PCDHAC2: variants seen among roughly 807,000 people sequenced by gnomAD.
PCDHAC2 encodes the protein protocadherin alpha-C2.
Under a neutral mutation model 63.3 loss-of-function variants are expected in PCDHAC2, and 24 were observed. The observed-to-expected ratio is 0.38, with a 90% confidence interval of 0.27 to 0.53. The LOEUF (loss-of-function observed/expected upper bound fraction) is 0.53. Among genes scored for constraint, PCDHAC2 ranks in the 20% least tolerant of loss-of-function variants. The pLI, the probability that PCDHAC2 is intolerant of heterozygous loss-of-function variation, is 0.81. For synonymous variants in PCDHAC2, 569 were observed against 529.4 expected (o/e 1.07, Z -1.03); for missense variants, 1,181 against 1,275.2 (o/e 0.93, Z 1.12).
At chr5:140,987,681 G>A (rs1554249426) in intron 3 of PCDHAC2, among the ~76,000 whole-genome samples, 2 of 152,184 alleles carry the variant, frequency 1.3e-5, no homozygotes, top group Non-Finnish European at 2.9e-5. Context: ...TTAGTAAATA[G>A]TAGCTATTTT....
chr5:140,988,560 T>C (rs1184536302), intron 3 of PCDHAC2, among the ~76,000 whole-genome samples: 3 of 152,138 alleles, frequency 2.0e-5, no homozygotes, highest in Admixed American at 2.0e-4. Context: ...CATCTTCTTC[T>C]TGGGAAAACA....
chr5:140,990,605 A>T (rs1234326404), intron 3 of PCDHAC2, among the ~76,000 whole-genome samples: 4 of 152,214 alleles, frequency 2.6e-5, no homozygotes, highest in Non-Finnish European at 4.4e-5. Flanking sequence ...GAGTCAGATG[A>T]ATACCGTAAA....
At position 140,966,777 on chromosome 5, in the gene PCDHAC2, C is replaced by T. The variant is rs1554228636; in HGVS notation, c.11C>T (p.Ala4Val). 1.3e-6 allele frequency: 2 copies of T among 1,510,822 alleles called. No homozygotes were observed. Among genetic ancestry groups the T allele is most frequent in the Non-Finnish European group, 1.8e-6 (2 of 1,131,946 alleles). The allele number at this position is 1,510,822 out of a possible 1,614,324, so 93.6% of individuals were successfully genotyped here. MEQAGTRPAATEHP... is the reference protein window; with the variant it reads MEQVGTRPAATEHP... ...CCGCGGCCAGTGGCTATGGAGCAGG[C>T]GGGCACCAGACCTGCGGCGACAGAG... The change falls in exon 1 of 4, where the codon GCG (alanine) becomes GTG (valine). Residue 4 changes from alanine to valine, a missense_variant. By Grantham distance (64) the Ala-to-Val change is moderately conservative. Transcript: ENST00000289269.
At position 140,966,698 on chromosome 5, in the gene PCDHAC2, G is replaced by C; in HGVS notation, c.-69G>C. 1.5e-6 allele frequency: 2 copies of C among 1,363,568 alleles called. No individual in the cohort carries two copies. The highest frequency in any genetic ancestry group is 1.9e-6 in the Non-Finnish European group (2 of 1,060,362). 84.5% of individuals were successfully genotyped at this position (1,363,568 alleles called of 1,614,324 possible). ...TGGCACGAGCGGAGGCGGGGCCCGG[G>C]CGTGGGGCACGGCTGGGGAAGCTGC... On this transcript the variant is annotated 5_prime_UTR_variant, in exon 1 of 4. Transcript: ENST00000289269.
intron 3 of PCDHAC2, among the ~76,000 whole-genome samples, chr5:140,997,279 A>G (rs1386656925): frequency 6.6e-6 from 1 of 152,166 alleles, no homozygotes; most frequent in Non-Finnish European, 1.5e-5. Flanking sequence ...TTCTTGCATC[A>G]CTTAACAATG....
In PCDHAC2 at chr5:140,966,947, G is replaced by A. The variant is rs782439197; in HGVS notation, c.181G>A (p.Val61Met). The change falls in exon 1 of 4, where the codon GTG (valine) becomes ATG (methionine). Residue 61 changes from valine (V) to methionine (M), a missense_variant. Val to Met is a conservative substitution (Grantham distance 21). Transcript: ENST00000289269. ...EQAPGALVGN[V>M]ARALGLELRR... ...GGCACCCGGCGCGCTCGTGGGCAAC[G>A]TGGCTCGCGCGCTGGGGCTTGAGCT... The A allele has an allele frequency of 6.2e-7, 1 of 1,603,520 alleles. No homozygotes were observed. The highest frequency in any genetic ancestry group is 1.7e-4 in the Middle Eastern group (1 of 6,038).
intron 3 of PCDHAC2, among the ~76,000 whole-genome samples, chr5:140,996,953 TCCCTCAATC>T (rs1554255576): frequency 6.6e-6 from 1 of 152,202 alleles, no homozygotes; most frequent in Non-Finnish European, 1.5e-5. Flanking sequence ...AATATTTATT[TCCCTCAATC>T]CCACTCCCCT....
chr5:140,970,651 T>C (rs1191146950), intron 1 of PCDHAC2, among the ~76,000 whole-genome samples: 4 of 152,226 alleles, frequency 2.6e-5, no homozygotes, highest in Non-Finnish European at 5.9e-5. Flanking sequence ...TAGTGATGAA[T>C]TGTTATCTTT....
intron 3 of PCDHAC2, among the ~76,000 whole-genome samples, chr5:140,990,798 A>G (rs1554251753): frequency 6.6e-6 from 1 of 152,208 alleles, no homozygotes; most frequent in Admixed American, 6.5e-5. Context: ...ACCATGGAAT[A>G]CAGAAGAAGC....
At chr5:141,003,689 A>G (rs2098134450) in intron 3 of PCDHAC2, among the ~76,000 whole-genome samples, 3 of 152,228 alleles carry the variant, frequency 2.0e-5, no homozygotes, top group African/African-American at 7.2e-5. Flanking sequence ...ATTTTAAAAT[A>G]TATCCCTACC....
At chr5:140,987,585 A>G (rs575330361) in intron 3 of PCDHAC2, among the ~76,000 whole-genome samples, 2 of 152,236 alleles carry the variant, frequency 1.3e-5, no homozygotes, top group East Asian at 3.8e-4. Flanking sequence ...AAATGGGGAG[A>G]ATAGTGGTGT....
In PCDHAC2 at chr5:140,966,838, G is replaced by T; in HGVS notation, c.72G>T (p.Leu24=). The change falls in exon 1 of 4, where the codon CTG becomes CTT. Residue 24 remains leucine, a synonymous_variant. Coordinates refer to ENST00000289269, the MANE Select transcript of PCDHAC2 (RefSeq NM_018899.6). ...TCCGGCGGCCCATGCCCTGGCTGCT[G>T]CTACTGCCTCTCCTGCTGCTGTTGC... is the stretch of plus-strand genomic sequence containing the variant. The part of the protein sequence containing the change: ...PRLRRPMPWL[L]LLPLLLLLLL... 1 of 1,566,772 alleles carries T rather than the reference G, an allele frequency of 6.4e-7. No homozygotes were observed.
chr5:141,003,291 G>C (rs1402781511), intron 3 of PCDHAC2, among the ~76,000 whole-genome samples: 1 of 152,158 alleles, frequency 6.6e-6, no homozygotes, highest in Non-Finnish European at 1.5e-5. Flanking sequence ...TGGATTATAG[G>C]ATTACATGAA....
At chr5:140,996,590 C>G (rs1325471388) in intron 3 of PCDHAC2, among the ~76,000 whole-genome samples, 7 of 152,096 alleles carry the variant, frequency 4.6e-5, no homozygotes, top group African/African-American at 1.7e-4. Context: ...CAAGGGCCGC[C>G]TCCCCCCATT....
intron 3 of PCDHAC2, among the ~76,000 whole-genome samples, chr5:141,007,512 G>C (rs2098333445): frequency 6.6e-6 from 1 of 152,040 alleles, no homozygotes; most frequent in Admixed American, 6.6e-5. Context: ...AGACTGCAGT[G>C]AGCTGATATC....
At position 140,967,404 on chromosome 5, in the gene PCDHAC2, A is replaced by C. The variant is rs2096137449; in HGVS notation, c.638A>C (p.Lys213Thr). Residue 213 changes from lysine to threonine, a missense_variant, in exon 1 of 4, where the codon AAG becomes ACG. Transcript: ENST00000289269. ...AAAGTGCTTGAGCTGGTGCTGCGTAAGGGCCTAGACCGGGAGCAGGCAGCC... is the reference window on the plus strand; with the variant it reads ...AAAGTGCTTGAGCTGGTGCTGCGTACGGGCCTAGACCGGGAGCAGGCAGCC... ...NSKVLELVLR[K>T]GLDREQAALH... The C allele has an allele frequency of 6.2e-7, 1 of 1,612,076 alleles. No homozygotes were observed. The highest frequency in any genetic ancestry group is 8.5e-7 in the Non-Finnish European group (1 of 1,178,768).
Position 140,979,011 on chromosome 5 carries a change from T to C in PCDHAC2, c.2624+4T>C. On this transcript the variant is annotated splice_donor_region_variant and intron_variant, in intron 2 of 3. Coordinates refer to ENST00000289269, the MANE Select transcript of PCDHAC2 (RefSeq NM_018899.6). ...CCCTGAGAGCAGGCATGCACAGGTA[T>C]GTATTTCCCTCCTCATTCACTCAGA... The C allele has an allele frequency of 6.2e-7, 1 of 1,613,950 alleles. No homozygotes were observed. The highest frequency in any genetic ancestry group is 8.5e-7 in the Non-Finnish European group (1 of 1,179,938).
At chr5:141,000,421 A>ATTTTTTTTT (rs34755515) in intron 3 of PCDHAC2, among the ~76,000 whole-genome samples, 3 of 27,980 alleles carry the variant, frequency 1.1e-4, no homozygotes, top group African/African-American at 1.8e-4. Flanking sequence ...ATATATATAT[A>ATTTTTTTTT]TTTTTTTTTT....
In PCDHAC2 at chr5:141,010,257, G is replaced by T; in HGVS notation, c.*320G>T. On this transcript the variant is annotated 3_prime_UTR_variant, in exon 4 of 4. Coordinates refer to ENST00000289269, the MANE Select transcript of PCDHAC2 (RefSeq NM_018899.6). ...AGTGAGAGGTTGGACTCTCTGCCCT[G>T]TGCTCCGGGGATCCTGTCTTGATGA... 6.4e-7 allele frequency: 1 copy of T among 1,551,794 alleles called. No homozygotes were observed. The highest frequency in any genetic ancestry group is 8.7e-7 in the Non-Finnish European group (1 of 1,147,016).
Sources: allele counts gnomAD v4.1 joint callset (sites outside exome capture counted in the v4.1 genomes callset), GRCh38; gene constraint gnomAD v4.1.1; transcripts MANE v1.5; gene names NCBI Gene and HGNC (gene_info 2026-07-23, HGNC 2026-07-21).